CDC25A: variants seen among roughly 807,000 people sequenced by gnomAD.
CDC25A encodes the protein M-phase inducer phosphatase 1.
A neutral mutation model predicts 64.6 loss-of-function variants in CDC25A; 17 were observed. That is an observed-to-expected ratio of 0.26 (90% CI 0.18 to 0.39). The LOEUF (loss-of-function observed/expected upper bound fraction) is 0.39. CDC25A is among the 10% of genes least tolerant of loss of function. CDC25A has a pLI of 1.00. For missense variants in CDC25A, 473 were observed against 654.8 expected (o/e 0.72, Z 3.03); for synonymous variants, 229 against 238.6 (o/e 0.96, Z 0.37).
chr3:48,184,757 T>C, intron 2 of CDC25A, 62 bp from the exon 3 acceptor site: 4 of 1,235,122 alleles, frequency 3.2e-6, no homozygotes, highest in Middle Eastern at 2.3e-4. Flanking sequence ...GTCATTAAAA[T>C]TAAAACACTA....
At chr3:48,173,660 T>G (rs2032350641) in intron 9 of CDC25A, among the ~76,000 whole-genome samples, 1 of 152,136 alleles carries the variant, frequency 6.6e-6, no homozygotes, top group Admixed American at 6.5e-5. Context: ...CTCCCAGCAA[T>G]AATGAGACAA....
chr3:48,172,843 GAC>G (rs1289890647), intron 9 of CDC25A, among the ~76,000 whole-genome samples: 1 of 152,110 alleles, frequency 6.6e-6, no homozygotes. Context: ...CAGCCTGGGT[GAC>G]AGAGAGACCC....
intron 8 of CDC25A, among the ~76,000 whole-genome samples, chr3:48,175,882 C>T (rs889509921): frequency 6.6e-6 from 1 of 152,150 alleles, no homozygotes; most frequent in Middle Eastern, 3.2e-3. Context: ...AAAACTGTAG[C>T]TTGGCTGGGC....
intron 6 of CDC25A, among the ~76,000 whole-genome samples, chr3:48,179,996 G>A (rs192271464): frequency 6.6e-6 from 1 of 152,186 alleles, no homozygotes; most frequent in African/African-American, 2.4e-5. Context: ...AACTTTGGAA[G>A]TAATGACAGT....
At chr3:48,183,198 C>T (rs2032727726) in intron 4 of CDC25A, among the ~76,000 whole-genome samples, 168 bp from the exon 5 acceptor site, 1 of 152,204 alleles carries the variant, frequency 6.6e-6, no homozygotes, top group South Asian at 2.1e-4. Flanking sequence ...TGCCAGGACA[C>T]AGCCAGGACA....
Position 48,187,813 on chromosome 3 carries a change from C to G in CDC25A, c.135G>C (p.Leu45=), listed in dbSNP as rs1264266899. 19 of 1,548,424 alleles carry G rather than the reference C, an allele frequency of 1.2e-5. No homozygotes were observed. Among genetic ancestry groups the G allele is most frequent in the Non-Finnish European group, 1.7e-5 (19 of 1,145,612 alleles). The change falls in exon 1 of 15, where the codon CTG becomes CTC. Residue 45 remains leucine, a synonymous_variant. Transcript: ENST00000302506. Reference sequence around the variant, plus strand: ...CCTGCAGCTGGTCCATAGTGACGGTCAGGTTGGTGACAGGCGACAGTCCCC... The same window carrying G: ...CCTGCAGCTGGTCCATAGTGACGGTGAGGTTGGTGACAGGCGACAGTCCCC... The part of the protein sequence containing the change: ...AAGGLSPVTN[L]TVTMDQLQGL...
At chr3:48,165,956 G>T in intron 10 of CDC25A, 63 bp from the exon 11 acceptor site, 1 of 1,125,564 alleles carries the variant, frequency 8.9e-7, no homozygotes, top group South Asian at 1.3e-5. Flanking sequence ...CACTTATACT[G>T]TTTTGTCTGG....
intron 12 of CDC25A, among the ~76,000 whole-genome samples, chr3:48,165,293 G>A (rs900433717): frequency 6.6e-6 from 1 of 151,950 alleles, no homozygotes; most frequent in Non-Finnish European, 1.5e-5. Flanking sequence ...GAGCCCTGGG[G>A]TGCTCAGACA....
Position 48,176,660 on chromosome 3 carries a change from A to C in CDC25A, c.756+711T>G, listed in dbSNP as rs566530271. ...ATGAAAAACAAAACAAAACAAAACA[A>C]ACAAACAAAACAGCAACAAAAAACA... is the stretch of plus-strand genomic sequence containing the variant. On this transcript the variant is annotated intron_variant, in intron 8 of 14. Transcript: ENST00000302506. Among the ~76,000 whole-genome samples the C allele has an allele frequency of 2.0e-5, 3 of 151,332 alleles. No individual in the cohort carries two copies. The Admixed American group carries it at 2.0e-4, about 10-fold the overall frequency.
chr3:48,170,348 G>A (rs1055585509), intron 9 of CDC25A, among the ~76,000 whole-genome samples: 15 of 152,118 alleles, frequency 9.9e-5, no homozygotes, highest in African/African-American at 2.9e-4. Flanking sequence ...TCTGATCTAC[G>A]ACCACCAGCT....
intron 7 of CDC25A, among the ~76,000 whole-genome samples, 158 bp downstream of exon 7, chr3:48,177,696 T>C (rs1226616272): frequency 6.6e-6 from 1 of 152,200 alleles, no homozygotes; most frequent in Non-Finnish European, 1.5e-5. Flanking sequence ...ATAAGGCTGG[T>C]AGCCCTATTA....
chr3:48,183,122 T>C (rs981942848), intron 4 of CDC25A, 92 bp from the exon 5 acceptor site: 32 of 806,818 alleles, frequency 4.0e-5, no homozygotes, highest in Admixed American at 6.1e-5. Context: ...GGGGGTTGAA[T>C]AGGGGGTAGA....
At chr3:48,160,199 G>C (rs546672765) in intron 13 of CDC25A, among the ~76,000 whole-genome samples, 1 of 152,014 alleles carries the variant, frequency 6.6e-6, no homozygotes, top group East Asian at 1.9e-4. Context: ...TGCAATCTCC[G>C]TCTCCCGGGT....
At chr3:48,184,190 C>T (rs1031302418) in intron 3 of CDC25A, among the ~76,000 whole-genome samples, 21 of 152,132 alleles carry the variant, frequency 1.4e-4, no homozygotes, top group African/African-American at 4.8e-4. Context: ...GATGAAACCT[C>T]GTGTCTACTA....
At chr3:48,181,317 C>T (rs569882151) in intron 5 of CDC25A, among the ~76,000 whole-genome samples, 2 of 150,358 alleles carry the variant, frequency 1.3e-5, no homozygotes, top group South Asian at 4.2e-4. Flanking sequence ...GTTTACTCAA[C>T]GTGGACGATT....
chr3:48,180,751 T>G lies in CDC25A; in HGVS notation c.519A>C (p.Thr173=). The G allele has an allele frequency of 6.2e-7, 1 of 1,614,118 alleles. No homozygotes were observed. The highest frequency in any genetic ancestry group is 1.3e-5 in the African/African-American group (1 of 75,024). Residue 173 remains threonine (T), a synonymous_variant, in exon 6 of 15, where the codon ACA becomes ACC. Coordinates refer to ENST00000302506, the MANE Select transcript of CDC25A (RefSeq NM_001789.3). ...GAGCTGGGGCAGAGTTCTGCCTCTGTGTGAAGAGATCTTTACCCTCCTGGA... is the reference window on the plus strand; with the variant it reads ...GAGCTGGGGCAGAGTTCTGCCTCTGGGTGAAGAGATCTTTACCCTCCTGGA... ...HGLQEGKDLF[T]QRQNSAPARM...
intron 12 of CDC25A, among the ~76,000 whole-genome samples, chr3:48,165,410 G>C (rs1346688786): frequency 2.4e-5 from 2 of 83,636 alleles, no homozygotes; most frequent in African/African-American, 9.0e-5. Context: ...ATGGTGTGAG[G>C]GACAAACATG....
rs1032553939 is a variant in CDC25A at position 48,159,047 on chromosome 3, G to A, written c.1473C>T (p.His491=). 6.2e-6 allele frequency: 10 copies of A among 1,613,936 alleles called. No individual in the cohort carries two copies. Among genetic ancestry groups the A allele is most frequent in the South Asian group, 1.1e-5 (1 of 91,090 alleles). The part of the protein sequence containing the change: ...CEPPSYRPMH[H]EDFKEDLKKF... The stretch of plus-strand genomic sequence containing the variant: ...TCTTCAGGTCTTCTTTAAAGTCCTC[G>A]TGGTGCATGGGCCGGTAGCTAGGGG... The change falls in exon 15 of 15, where the codon CAC becomes CAT. Residue 491 remains histidine, a synonymous_variant. Coordinates refer to ENST00000302506, the MANE Select transcript of CDC25A (RefSeq NM_001789.3).
intron 13 of CDC25A, among the ~76,000 whole-genome samples, chr3:48,161,699 ACCCTGACTC>A (rs2031772395): frequency 1.3e-5 from 2 of 151,832 alleles, no homozygotes; most frequent in African/African-American, 2.4e-5. Context: ...ACAGAGACTG[ACCCTGACTC>A]AAAAATAAAA....
Sources: allele counts gnomAD v4.1 joint callset (sites outside exome capture counted in the v4.1 genomes callset), GRCh38; gene constraint gnomAD v4.1.1; transcripts MANE v1.5; gene names NCBI Gene and HGNC (gene_info 2026-07-23, HGNC 2026-07-21).